SH3RF3: variants seen among roughly 807,000 people sequenced by gnomAD.
SH3RF3 encodes the protein SH3 domain containing ring finger 3, also known as E3 ubiquitin-protein ligase SH3RF3.
SH3RF3 carries 29 observed loss-of-function variants against 66.3 expected under a neutral mutation model. That is an observed-to-expected ratio of 0.44 (90% CI 0.33 to 0.60). The LOEUF is 0.60. Among genes scored for constraint, SH3RF3 ranks in the 20% least tolerant of loss-of-function variants. The pLI is 0.04. For missense variants in SH3RF3, 1,194 were observed against 1,190.9 expected (o/e 1.00, Z -0.04); for synonymous variants, 583 against 532.0 (o/e 1.10, Z -1.32).
At chr2:109,132,999 G>A (rs1265569737) in intron 1 of SH3RF3, among the ~76,000 whole-genome samples, 1 of 152,194 alleles carries the variant, frequency 6.6e-6, no homozygotes, top group Non-Finnish European at 1.5e-5. Context: ...AGCCTATACA[G>A]AACATCTTCT....
intron 3 of SH3RF3, among the ~76,000 whole-genome samples, chr2:109,387,338 C>T (rs1573211162): frequency 6.6e-6 from 1 of 152,328 alleles, no homozygotes; most frequent in East Asian, 1.9e-4. Flanking sequence ...CTGTAGAGCC[C>T]TCCGGTTCCC....
intron 1 of SH3RF3, among the ~76,000 whole-genome samples, chr2:109,243,954 C>CACTT (rs2105230244): frequency 6.6e-6 from 1 of 152,254 alleles, no homozygotes; most frequent in Non-Finnish European, 1.5e-5. Context: ...CAGCCATGGG[C>CACTT]ACTTGGTGGT....
chr2:109,197,033 T>A (rs1678519884), intron 1 of SH3RF3, among the ~76,000 whole-genome samples: 1 of 152,210 alleles, frequency 6.6e-6, no homozygotes, highest in Non-Finnish European at 1.5e-5. Context: ...TGGGTGCCAC[T>A]GTTTTCCCTT....
chr2:109,502,018 T>A lies in SH3RF3; in HGVS notation c.*347T>A, dbSNP rs186220378. ...GTTCTCATTTACCACCTAAGCAGGG[T>A]TGGAGGTTGCAGGAGGTCTGCAGGC... is the stretch of plus-strand genomic sequence containing the variant. On this transcript the variant is annotated 3_prime_UTR_variant, in exon 10 of 10. Transcript: ENST00000309415. 3 of 240,846 alleles carry A rather than the reference T, an allele frequency of 1.2e-5. No individual in the cohort carries two copies. Among genetic ancestry groups the A allele is most frequent in the Non-Finnish European group, 2.5e-5 (3 of 120,544 alleles). The allele number at this position is 240,846 out of a possible 1,614,324, so 14.9% of individuals were successfully genotyped here. A position where few individuals can be genotyped will look rare whatever the true frequency, so the allele number is the denominator to read the frequency against.
At chr2:109,305,908 C>T (rs1008006815) in intron 1 of SH3RF3, among the ~76,000 whole-genome samples, 1 of 152,230 alleles carries the variant, frequency 6.6e-6, no homozygotes, top group African/African-American at 2.4e-5. Context: ...CTGAGCTCTG[C>T]CCTTTGGGCT....
At position 109,251,378 on chromosome 2, in the gene SH3RF3, T is replaced by A. The variant is rs796895012; in HGVS notation, c.574-96296T>A. 2.3e-5 allele frequency: 15 copies of A among 660,436 alleles called. No individual in the cohort carries two copies. In the African/African-American group the frequency reaches 2.3e-4, roughly 10 times the overall value. 40.9% of individuals were successfully genotyped at this position (660,436 alleles called of 1,614,324 possible). A position where few individuals can be genotyped will look rare whatever the true frequency, so the allele number is the denominator to read the frequency against. ...TGCCGCGGGAGCATGAGGGAGTCTG[T>A]GCATTCCTTTCCAAGGCATCTGTGA... On this transcript the variant is annotated intron_variant, in intron 1 of 9. Coordinates refer to ENST00000309415, the MANE Select transcript of SH3RF3 (RefSeq NM_001099289.3).
At chr2:109,137,546 G>A (rs577770602) in intron 1 of SH3RF3, among the ~76,000 whole-genome samples, 6 of 152,174 alleles carry the variant, frequency 3.9e-5, no homozygotes, top group Admixed American at 2.0e-4. Context: ...TTAATTTTTT[G>A]TTGGCCATCA....
At chr2:109,353,765 A>T (rs967417311) in intron 2 of SH3RF3, among the ~76,000 whole-genome samples, 1 of 152,170 alleles carries the variant, frequency 6.6e-6, no homozygotes, top group African/African-American at 2.4e-5. Flanking sequence ...ACAAGACGAG[A>T]GAGTCTCCCC....
chr2:109,461,796 C>G (rs1488776719), intron 8 of SH3RF3, among the ~76,000 whole-genome samples: 1 of 152,240 alleles, frequency 6.6e-6, no homozygotes, highest in East Asian at 1.9e-4. Context: ...TCACAGCAGC[C>G]TGGACCTGTT....
intron 7 of SH3RF3, among the ~76,000 whole-genome samples, chr2:109,443,541 AG>A (rs567708802): frequency 2.0e-3 from 310 of 152,388 alleles, no homozygotes; most frequent in Non-Finnish European, 3.7e-3. Flanking sequence ...TTGCAAATAC[AG>A]AATCTGCCAA....
chr2:109,212,887 A>G (rs1279538410), intron 1 of SH3RF3, among the ~76,000 whole-genome samples: 2 of 152,118 alleles, frequency 1.3e-5, no homozygotes, highest in Non-Finnish European at 1.5e-5. Flanking sequence ...GATCAGACAC[A>G]GTCTTGGCTT....
intron 1 of SH3RF3, among the ~76,000 whole-genome samples, chr2:109,207,955 C>G (rs1678879307): frequency 6.6e-6 from 1 of 152,214 alleles, no homozygotes; most frequent in Non-Finnish European, 1.5e-5. Context: ...CCTTCTTTTA[C>G]TCTTACACAG....
chr2:109,188,053 A>G (rs989086325), intron 1 of SH3RF3, among the ~76,000 whole-genome samples: 6 of 152,094 alleles, frequency 3.9e-5, no homozygotes, highest in African/African-American at 1.4e-4. Context: ...CTTGCAGCCC[A>G]CCCCGTGAGC....
intron 8 of SH3RF3, among the ~76,000 whole-genome samples, chr2:109,463,159 A>G (rs1346580395): frequency 6.6e-6 from 1 of 152,152 alleles, no homozygotes; most frequent in Non-Finnish European, 1.5e-5. Flanking sequence ...TTCAAGTTAT[A>G]CTTCTGTTCA....
intron 4 of SH3RF3, among the ~76,000 whole-genome samples, chr2:109,401,730 C>G (rs1676320654): frequency 6.6e-6 from 1 of 152,198 alleles, no homozygotes; most frequent in Admixed American, 6.5e-5. Flanking sequence ...CCGGTTTCCT[C>G]TCCTTCCTGC....
At chr2:109,314,893 C>G (rs1288047480) in intron 1 of SH3RF3, among the ~76,000 whole-genome samples, 1 of 152,208 alleles carries the variant, frequency 6.6e-6, no homozygotes, top group African/African-American at 2.4e-5. Context: ...TGAAGCAGAG[C>G]TAAGCCCTCG....
At chr2:109,387,668 A>C (rs1297825934) in intron 3 of SH3RF3, among the ~76,000 whole-genome samples, 1 of 151,966 alleles carries the variant, frequency 6.6e-6, no homozygotes, top group Non-Finnish European at 1.5e-5. Context: ...CTCCTCTCAT[A>C]CTTTTTCCTC....
chr2:109,364,447 TAAC>T (rs771008928), intron 2 of SH3RF3, among the ~76,000 whole-genome samples: 2 of 152,260 alleles, frequency 1.3e-5, no homozygotes, highest in Non-Finnish European at 2.9e-5. Context: ...CTTTTAAGTC[TAAC>T]ATTAGTTGCC....
At chr2:109,325,071 G>A (rs960416229) in intron 1 of SH3RF3, among the ~76,000 whole-genome samples, 3 of 152,112 alleles carry the variant, frequency 2.0e-5, no homozygotes, top group Non-Finnish European at 2.9e-5. Flanking sequence ...TTTCCTAGAG[G>A]CTAGAAGGGA....
Sources: gnomAD v4.1 joint callset for allele counts (sites outside exome capture counted in the v4.1 genomes callset) on GRCh38, gnomAD v4.1.1 for gene constraint, MANE v1.5 for transcripts, NCBI Gene and HGNC (gene_info 2026-07-23, HGNC 2026-07-21) for gene names.